Variants in GPR84 observed in about 807,000 individuals in gnomAD.
The protein encoded by GPR84 is G protein-coupled receptor 84, also known as G-protein coupled receptor 84.
Under a neutral mutation model 14.9 loss-of-function variants are expected in GPR84, and 8 were observed. The observed-to-expected ratio is 0.54, with a 90% CI of 0.31 to 0.97. GPR84 has a LOEUF of 0.97. Among genes scored for constraint, GPR84 ranks in the 50% least tolerant of loss-of-function variants. The pLI, the probability that GPR84 is intolerant of heterozygous loss-of-function variation, is 0.04. For missense variants in GPR84, 424 were observed against 498.7 expected (o/e 0.85, Z 1.43); for synonymous variants, 164 against 198.1 (o/e 0.83, Z 1.45).
the GPR84 span, among the ~76,000 whole-genome samples, chr12:54,354,116 CT>C: frequency 1.9e-3 from 266 of 141,414 alleles, no homozygotes; most frequent in Middle Eastern, 7.4e-3. Context: ...TTTCTCTTTT[CT>C]TTTTTTTTTT....
chr12:54,354,583 C>A, the GPR84 span, among the ~76,000 whole-genome samples: 1 of 151,642 alleles, frequency 6.6e-6, no homozygotes, highest in Non-Finnish European at 1.5e-5. Flanking sequence ...CAGGCATGTG[C>A]CACTATGCCT....
At position 54,362,542 on chromosome 12, in the gene GPR84, G is replaced by A. The variant is rs1954279792; in HGVS notation, c.*119C>T. On this transcript the variant is annotated 3_prime_UTR_variant, in exon 2 of 2. Transcript: ENST00000267015. The surrounding 1 kb of genome is among the most constrained non-coding windows in gnomAD (Gnocchi z 4.0). ...AGTGATGGAGAGACTTGATTTGGGAGGCTGGGGAGAGATTGTTGTGAAAAT... is the reference window on the plus strand; with the variant it reads ...AGTGATGGAGAGACTTGATTTGGGAAGCTGGGGAGAGATTGTTGTGAAAAT... 1.4e-6 allele frequency: 1 copy of A among 692,678 alleles called. No individual in the cohort carries two copies. The highest frequency in any genetic ancestry group is 1.8e-5 in the African/African-American group (1 of 56,076). 42.9% of individuals were successfully genotyped at this position (692,678 alleles called of 1,614,324 possible). A position where few individuals can be genotyped will look rare whatever the true frequency, so the allele number is the denominator to read the frequency against.
At chr12:54,361,251 G>A (rs1347473296), downstream of GPR84, among the ~76,000 whole-genome samples, 2 of 151,964 alleles carry the variant, frequency 1.3e-5, no homozygotes, top group Non-Finnish European at 2.9e-5. The surrounding 1 kb of genome is among the most constrained non-coding windows in gnomAD (Gnocchi z 4.3). Flanking sequence ...GCGCGATCTC[G>A]GTTCACTGCA....
downstream of GPR84, among the ~76,000 whole-genome samples, chr12:54,358,721 T>C (rs950807420): frequency 6.6e-6 from 1 of 152,052 alleles, no homozygotes; most frequent in African/African-American, 2.4e-5. Flanking sequence ...TTTCTCTTCA[T>C]CTCTCCTTCT....
downstream of GPR84, among the ~76,000 whole-genome samples, chr12:54,357,589 G>T (rs894929447): frequency 6.6e-6 from 1 of 152,170 alleles, no homozygotes; most frequent in Non-Finnish European, 1.5e-5. Context: ...ATTCTCAGCA[G>T]CAGTGAGGGT....
the GPR84 span, among the ~76,000 whole-genome samples, chr12:54,353,318 A>C: frequency 6.6e-6 from 1 of 152,060 alleles, no homozygotes; most frequent in South Asian, 2.1e-4. Context: ...CCTCTTTCCC[A>C]GGGAATGCTG....
chr12:54,362,889 A>ACACATTCGAGTCACCTTCC lies in GPR84; in HGVS notation c.944_962dup (p.Cys321TrpfsTer80). ...GGGCAAAGCAGAGGAACACAGCAAA[A>ACACATTCGAGTCACCTTCC]CACATTCGAGTCACCTTCCCAAATT... On this transcript the variant is annotated frameshift_variant, in exon 2 of 2. Coordinates refer to ENST00000267015, the MANE Select transcript of GPR84 (RefSeq NM_020370.3). LOFTEE classifies it high-confidence loss of function. This position sits in a 1 kb window ranked among gnomAD's most constrained non-coding sequence, Gnocchi z 4.0. The ACACATTCGAGTCACCTTCC allele has an allele frequency of 6.2e-7, 1 of 1,614,156 alleles. No homozygotes were observed. The highest frequency in any genetic ancestry group is 8.5e-7 in the Non-Finnish European group (1 of 1,180,018).
At chr12:54,354,596 C>CTT in the GPR84 span, among the ~76,000 whole-genome samples, 69 of 128,612 alleles carry the variant, frequency 5.4e-4, no homozygotes, top group African/African-American at 8.7e-4. Flanking sequence ...CTATGCCTAG[C>CTT]TTTTTTTTTT....
the GPR84 span, among the ~76,000 whole-genome samples, chr12:54,355,714 C>T: frequency 6.6e-6 from 1 of 152,118 alleles, no homozygotes; most frequent in Non-Finnish European, 1.5e-5. Context: ...CCCAGCCTGC[C>T]TGGGGCCTGG....
downstream of GPR84, among the ~76,000 whole-genome samples, chr12:54,359,575 T>C (rs145866980): frequency 6.6e-6 from 1 of 151,978 alleles, no homozygotes; most frequent in African/African-American, 2.4e-5. Context: ...CGTCAGAAAG[T>C]CAGGGATAGA....
chr12:54,350,787 G>C, the GPR84 span: 1 of 542,598 alleles, frequency 1.8e-6, no homozygotes, highest in Non-Finnish European at 3.3e-6. Context: ...TTCTAGACTG[G>C]ATTATGCTCA....
rs1033818588 is a variant in GPR84, at chr12:54,363,467, G to A, written c.385C>T (p.Pro129Ser). The change falls in exon 2 of 2, where the codon CCC becomes TCC. Residue 129 changes from proline to serine, a missense_variant. Coordinates refer to ENST00000267015, the MANE Select transcript of GPR84 (RefSeq NM_020370.3). Reference protein sequence around the residue: ...YLLIAHPKLFPQVFSAKGIVL... With the variant: ...YLLIAHPKLFSQVFSAKGIVL... ...ATCCCCTTGGCACTGAAAACTTGGG[G>A]AAAAAGCTTAGGGTGGGCAATGAGG... 6.2e-7 allele frequency: 1 copy of A among 1,614,032 alleles called. No individual in the cohort carries two copies. Among genetic ancestry groups the A allele is most frequent in the Admixed American group, 1.7e-5 (1 of 59,996 alleles).
chr12:54,356,608 C>A, the GPR84 span, among the ~76,000 whole-genome samples: 1 of 152,186 alleles, frequency 6.6e-6, no homozygotes, highest in Non-Finnish European at 1.5e-5. Context: ...GCCCCTGGCA[C>A]CCAACTTCCT....
At chr12:54,357,187 C>T in the GPR84 span, among the ~76,000 whole-genome samples, 6 of 152,318 alleles carry the variant, frequency 3.9e-5, no homozygotes, top group African/African-American at 9.6e-5. Context: ...GTAGCCCAAG[C>T]TTTCTGACCC....
downstream of GPR84, among the ~76,000 whole-genome samples, chr12:54,359,251 C>T (rs1273152528): frequency 3.3e-5 from 5 of 152,180 alleles, no homozygotes; most frequent in Non-Finnish European, 5.9e-5. Flanking sequence ...GGTAGAGTGA[C>T]TCGTAAATCG....
the GPR84 span, among the ~76,000 whole-genome samples, chr12:54,356,691 G>A: frequency 6.6e-6 from 1 of 151,812 alleles, no homozygotes; most frequent in African/African-American, 2.4e-5. Flanking sequence ...ACAGTGGAAG[G>A]ATGAGAAACT....
Position 54,362,891 on chromosome 12 carries a change from A to G in GPR84, c.961T>C (p.Cys321Arg). 9 of 1,614,210 alleles carry G rather than the reference A, an allele frequency of 5.6e-6. No homozygotes were observed. Among genetic ancestry groups the G allele is most frequent in the Non-Finnish European group, 7.6e-6 (9 of 1,180,034 alleles). Residue 321 changes from cysteine to arginine, a missense_variant, in exon 2 of 2, where the codon TGT becomes CGT. Cys to Arg is a radical substitution (Grantham distance 180). Transcript: ENST00000267015. The surrounding 1 kb of genome is among the most constrained non-coding windows in gnomAD (Gnocchi z 4.0). ...GCAAAGCAGAGGAACACAGCAAAAC[A>G]CATTCGAGTCACCTTCCCAAATTCC... ...SSEFGKVTRM[C>R]FAVFLCFALS...
downstream of GPR84, among the ~76,000 whole-genome samples, chr12:54,362,209 G>A (rs926969823): frequency 2.0e-5 from 3 of 152,132 alleles, no homozygotes; most frequent in African/African-American, 7.2e-5. The surrounding 1 kb of genome is among the most constrained non-coding windows in gnomAD (Gnocchi z 4.0). Flanking sequence ...TCTTCTAAAG[G>A]CTATGTCCCA....
chr12:54,362,515 C>G lies in GPR84; in HGVS notation c.*146G>C. 1.5e-6 allele frequency: 1 copy of G among 659,828 alleles called. No homozygotes were observed. Among genetic ancestry groups the G allele is most frequent in the East Asian group, 2.5e-5 (1 of 40,254 alleles). 40.9% of individuals were successfully genotyped at this position (659,828 alleles called of 1,614,324 possible). On this transcript the variant is annotated 3_prime_UTR_variant, in exon 2 of 2. Coordinates refer to ENST00000267015, the MANE Select transcript of GPR84 (RefSeq NM_020370.3). The surrounding 1 kb of genome is among the most constrained non-coding windows in gnomAD (Gnocchi z 4.0). ...GGCAGTCTAGGGCTGAAACATTGAT[C>G]AAGTGATGGAGAGACTTGATTTGGG...
Sources: gnomAD v4.1 joint callset for allele counts (sites outside exome capture counted in the v4.1 genomes callset) on GRCh38, gnomAD v4.1.1 for gene constraint, Gnocchi (gnomAD v3.1) non-coding constraint, MANE v1.5 for transcripts, NCBI Gene and HGNC (gene_info 2026-07-23, HGNC 2026-07-21) for gene names.